Variants in RYR3 observed in about 807,000 individuals in gnomAD.
The protein encoded by RYR3 is brain ryanodine receptor-calcium release channel.
RYR3 carries 207 observed loss-of-function variants against 584.3 expected under a neutral mutation model. The observed-to-expected ratio is 0.35, with a 90% CI of 0.32 to 0.40. RYR3 has a LOEUF of 0.40. Ranked by LOEUF, RYR3 falls within the 10% of genes least tolerant of loss-of-function variation. The probability of loss-of-function intolerance (pLI) is 1.00; values close to 1 mark genes in which losing one functional copy is unlikely to be tolerated. For synonymous variants in RYR3, 2,416 were observed against 2,248.5 expected, an observed-to-expected ratio of 1.07 and a Z score of -2.11; for missense variants, 5,616 against 6,089.2, an observed-to-expected ratio of 0.92 and a Z score of 2.59.
chr15:33,818,178 C>A (rs939893159), intron 75 of RYR3, among the ~76,000 whole-genome samples: 1 of 152,090 alleles, frequency 6.6e-6, no homozygotes, highest in South Asian at 2.1e-4. Flanking sequence ...AAAGAAATGT[C>A]AGCTGTTGGC....
intron 48 of RYR3, among the ~76,000 whole-genome samples, chr15:33,733,826 A>G (rs2069164108): frequency 6.6e-6 from 1 of 152,204 alleles, no homozygotes; most frequent in Non-Finnish European, 1.5e-5. Flanking sequence ...CTGTGCCTGT[A>G]TGGGGCCAGG....
chr15:33,362,349 G>A (rs1974884626), intron 1 of RYR3, among the ~76,000 whole-genome samples: 1 of 152,070 alleles, frequency 6.6e-6, no homozygotes, highest in Non-Finnish European at 1.5e-5. Flanking sequence ...TGTGTAAAGC[G>A]TGTAGAATAG....
rs1195068000 is a variant in RYR3, at chr15:33,374,390, G to T, written c.51+63294G>T. Among the ~76,000 whole-genome samples the T allele has an allele frequency of 2.0e-5, 3 of 150,836 alleles. No individual in the cohort carries two copies. The East Asian group carries it at 5.9e-4, about 30-fold the overall frequency. The stretch of plus-strand genomic sequence containing the variant: ...TGTGTGTGTGTGTGTGTGTGTGTGT[G>T]TGTGTGTGTATATATATCTCCACCC... On this transcript the variant is annotated intron_variant, in intron 1 of 103. Coordinates refer to ENST00000634891, the MANE Select transcript of RYR3 (RefSeq NM_001036.6).
chr15:33,774,271 G>A (rs1166284506), intron 64 of RYR3, among the ~76,000 whole-genome samples: 1 of 152,148 alleles, frequency 6.6e-6, no homozygotes, highest in African/African-American at 2.4e-5. Context: ...GGGGAAGATT[G>A]GGAGGATAAA....
chr15:33,598,256 A>AAAAAC (rs1387236608), intron 16 of RYR3, among the ~76,000 whole-genome samples: 4 of 150,868 alleles, frequency 2.7e-5, no homozygotes, highest in Admixed American at 6.6e-5. Flanking sequence ...CAAAAAAAAA[A>AAAAAC]AAAAAAGACA....
intron 1 of RYR3, among the ~76,000 whole-genome samples, chr15:33,380,515 A>G (rs1032419782): frequency 1.3e-5 from 2 of 152,234 alleles, no homozygotes; most frequent in African/African-American, 2.4e-5. Context: ...GCGATTAGCT[A>G]CTAGGGTGAT....
At chr15:33,795,682 C>T (rs1036238649) in intron 67 of RYR3, among the ~76,000 whole-genome samples, 5 of 152,120 alleles carry the variant, frequency 3.3e-5, no homozygotes, top group South Asian at 4.1e-4. Context: ...GTATGCACCA[C>T]GACGCCTGGC....
intron 62 of RYR3, among the ~76,000 whole-genome samples, chr15:33,771,680 T>C (rs2073586330): frequency 6.6e-6 from 1 of 152,214 alleles, no homozygotes; most frequent in African/African-American, 2.4e-5. Flanking sequence ...TAAATTGTTC[T>C]CTGCATTTCC....
intron 3 of RYR3, among the ~76,000 whole-genome samples, chr15:33,511,076 G>C (rs559952193): frequency 4.3e-4 from 65 of 152,112 alleles, no homozygotes; most frequent in African/African-American, 1.5e-3. Flanking sequence ...GCAATTCTAT[G>C]AGAAATTCCA....
chr15:33,635,737 G>A lies in RYR3; in HGVS notation c.3299G>A (p.Arg1100Gln), dbSNP rs1566835895. The A allele has an allele frequency of 2.2e-5, 36 of 1,613,950 alleles. No individual in the cohort carries two copies. Among genetic ancestry groups the A allele is most frequent in the Non-Finnish European group, 3.0e-5 (35 of 1,179,874 alleles). The change falls in exon 26 of 104, where the codon CGA (arginine) becomes CAA (glutamine). Residue 1100 changes from arginine (R) to glutamine (Q), a missense_variant. Transcript: ENST00000634891. Reference protein sequence around the residue: ...EFEVVTGGDMRVGWARPGCRP... With the variant: ...EFEVVTGGDMQVGWARPGCRP... ...GAAGTGGTGACTGGAGGAGACATGC[G>A]AGTCGGCTGGGCGAGGCCAGGCTGT...
intron 1 of RYR3, among the ~76,000 whole-genome samples, chr15:33,333,280 A>G (rs1970582388): frequency 6.6e-6 from 1 of 152,178 alleles, no homozygotes; most frequent in African/African-American, 2.4e-5. Context: ...TCAGGCCAAT[A>G]TCCTTGATGA....
At position 33,547,086 on chromosome 15, in the gene RYR3, A is replaced by G. The variant is rs542095428; in HGVS notation, c.741-1044A>G. ...GCTCTTAAACTGTGAATTTTGTATA[A>G]TGTGGAGCAACCTGCCCCGATCACA... On this transcript the variant is annotated intron_variant, in intron 8 of 103. Coordinates refer to ENST00000634891, the MANE Select transcript of RYR3 (RefSeq NM_001036.6). Among the ~76,000 whole-genome samples, 186 of 152,324 alleles carry G rather than the reference A, an allele frequency of 1.2e-3. 1 individual carries two copies. The highest frequency in any genetic ancestry group is 4.1e-3 in the African/African-American group (170 of 41,576).
intron 38 of RYR3, among the ~76,000 whole-genome samples, chr15:33,689,210 C>T (rs910625109): frequency 2.4e-4 from 8 of 32,960 alleles, no homozygotes; most frequent in East Asian, 7.5e-4. Context: ...CATCACACAC[C>T]GGGGCCTGTT....
intron 60 of RYR3, among the ~76,000 whole-genome samples, chr15:33,761,936 A>G (rs914743160): frequency 6.6e-6 from 1 of 152,194 alleles, no homozygotes; most frequent in Non-Finnish European, 1.5e-5. Context: ...TATCCCTGGG[A>G]TCCAAGGCTG....
intron 1 of RYR3, among the ~76,000 whole-genome samples, chr15:33,424,261 G>C (rs770587389): frequency 6.6e-6 from 1 of 152,172 alleles, no homozygotes; most frequent in Non-Finnish European, 1.5e-5. Context: ...TATAAAAGAG[G>C]ACAACATTGC....
intron 1 of RYR3, among the ~76,000 whole-genome samples, chr15:33,324,981 A>C (rs1969490516): frequency 1.3e-5 from 2 of 152,224 alleles, no homozygotes; most frequent in Non-Finnish European, 2.9e-5. Context: ...CCTGATTCTC[A>C]GGACTAAACA....
At chr15:33,659,691 C>T (rs766902470) in intron 32 of RYR3, 29 bp from the exon 33 acceptor site, 1 of 1,500,268 alleles carries the variant, frequency 6.7e-7, no homozygotes, top group East Asian at 2.3e-5. Flanking sequence ...CAGCTCTGGG[C>T]AAAGCTTTCG....
intron 21 of RYR3, among the ~76,000 whole-genome samples, chr15:33,629,674 G>A (rs2061172334): frequency 1.3e-5 from 2 of 152,224 alleles, no homozygotes; most frequent in Admixed American, 6.5e-5. Flanking sequence ...GCTGCCACAT[G>A]TAGCACTGCT....
intron 3 of RYR3, among the ~76,000 whole-genome samples, chr15:33,516,811 C>T (rs1439109150): frequency 1.3e-5 from 2 of 151,932 alleles, no homozygotes; most frequent in African/African-American, 4.8e-5. Context: ...GCTCAGACCA[C>T]CCAGTTTGTA....
Sources: allele counts gnomAD v4.1 joint callset (sites outside exome capture counted in the v4.1 genomes callset), GRCh38; gene constraint gnomAD v4.1.1; transcripts MANE v1.5; gene names NCBI Gene and HGNC (gene_info 2026-07-23, HGNC 2026-07-21).